Variants in DYRK1A observed in about 807,000 individuals in gnomAD.
DYRK1A encodes the protein dual specificity tyrosine-phosphorylation-regulated kinase 1A.
Under a neutral mutation model 79.7 loss-of-function variants are expected in DYRK1A, and 9 were observed. That is an observed-to-expected ratio of 0.11 (90% CI 0.07 to 0.20). DYRK1A has a LOEUF of 0.20. Among genes scored for constraint, DYRK1A ranks in the 10% least tolerant of loss-of-function variants. The pLI is 1.00. For synonymous variants in DYRK1A, 349 were observed against 329.7 expected, an observed-to-expected ratio of 1.06 and a Z score of -0.63; for missense variants, 622 against 956.0, an observed-to-expected ratio of 0.65 and a Z score of 4.61.
In DYRK1A at chr21:37,376,311, C is replaced by T. The variant is rs2049539510; in HGVS notation, c.-77+8683C>T. Among the ~76,000 whole-genome samples the T allele has an allele frequency of 2.0e-5, 3 of 152,054 alleles. No individual in the cohort carries two copies. In the South Asian group the frequency reaches 6.2e-4, roughly 32 times the overall value. On this transcript the variant is annotated intron_variant, in intron 1 of 11. Coordinates refer to ENST00000647188, the MANE Select transcript of DYRK1A (RefSeq NM_001347721.2). Reference sequence around the variant, plus strand: ...GATCACGAGGTCAGGAGTTCGAGACCAGCCTGGCTAAAATGGTGAAACCCC... The same window carrying T: ...GATCACGAGGTCAGGAGTTCGAGACTAGCCTGGCTAAAATGGTGAAACCCC...
chr21:37,386,895 A>G (rs1214629160), intron 1 of DYRK1A, among the ~76,000 whole-genome samples: 2 of 152,218 alleles, frequency 1.3e-5, no homozygotes, highest in Non-Finnish European at 2.9e-5. Context: ...GTAGCTGGAT[A>G]AGAATGTGGT....
At position 37,506,126 on chromosome 21, in the gene DYRK1A, G is replaced by A; in HGVS notation, c.1547G>A (p.Gly516Glu). ...SGGSSGTSNS[G>E]RARSDPTHQH... ...GGCTCATCGGGGACAAGCAACAGTG[G>A]GAGAGCCCGGTCGGATCCGACGCAC... Residue 516 changes from glycine (G) to glutamate (E), a missense_variant, in exon 11 of 12, where the codon GGG (glycine) becomes GAG (glutamate). By Grantham distance (98) the Gly-to-Glu change is moderately conservative. Around this residue, in one of 5 missense-constraint regions of DYRK1A, gnomAD observed 292 missense variants for 316.7 expected, o/e 0.92. Coordinates refer to ENST00000647188, the MANE Select transcript of DYRK1A (RefSeq NM_001347721.2). 1 of 1,613,370 alleles carries A rather than the reference G, an allele frequency of 6.2e-7. No homozygotes were observed. The highest frequency in any genetic ancestry group is 8.5e-7 in the Non-Finnish European group (1 of 1,179,396).
intron 11 of DYRK1A, among the ~76,000 whole-genome samples, chr21:37,509,742 G>A (rs2053698973): frequency 6.6e-6 from 1 of 152,186 alleles, no homozygotes; most frequent in South Asian, 2.1e-4. Flanking sequence ...ATTTATTAAT[G>A]GACATTTAGT....
In DYRK1A at chr21:37,512,388, C is replaced by T. The variant is rs770942592; in HGVS notation, c.2122C>T (p.His708Tyr). 2 of 1,614,230 alleles carry T rather than the reference C, an allele frequency of 1.2e-6. No individual in the cohort carries two copies. Among genetic ancestry groups the T allele is most frequent in the South Asian group, 1.1e-5 (1 of 91,090 alleles). Reference sequence around the variant, plus strand: ...CCGCCAAGAGACTGGCATAGCTGGACATCCAACATACCAATTTTCTGCTAA... The same window carrying T: ...CCGCCAAGAGACTGGCATAGCTGGATATCCAACATACCAATTTTCTGCTAA... Reference protein sequence around the residue: ...NPRQETGIAGHPTYQFSANTG... With the variant: ...NPRQETGIAGYPTYQFSANTG... The change falls in exon 12 of 12, where the codon CAT (histidine) becomes TAT (tyrosine). Residue 708 changes from histidine (H) to tyrosine (Y), a missense_variant. His to Tyr is a moderately conservative substitution (Grantham distance 83, BLOSUM62 2). Coordinates refer to ENST00000647188, the MANE Select transcript of DYRK1A (RefSeq NM_001347721.2).
chr21:37,447,036 G>A (rs943535753), intron 2 of DYRK1A, among the ~76,000 whole-genome samples: 2 of 152,120 alleles, frequency 1.3e-5, no homozygotes, highest in Non-Finnish European at 1.5e-5. Context: ...GGAAGAGAGG[G>A]CACTTAACAT....
intron 2 of DYRK1A, among the ~76,000 whole-genome samples, chr21:37,447,380 A>G (rs1048279703): frequency 9.2e-5 from 14 of 152,314 alleles, no homozygotes; most frequent in Middle Eastern, 3.4e-3. Context: ...GTGAACATAC[A>G]TTAAAAAAAC....
chr21:37,388,678 T>C (rs1384019743), intron 1 of DYRK1A, among the ~76,000 whole-genome samples: 1 of 151,206 alleles, frequency 6.6e-6, no homozygotes, highest in Non-Finnish European at 1.5e-5. Context: ...GGAGTCTCGC[T>C]CTGTCGCCCA....
chr21:37,454,698 T>C (rs781425849), intron 2 of DYRK1A, among the ~76,000 whole-genome samples: 1 of 152,228 alleles, frequency 6.6e-6, no homozygotes, highest in Admixed American at 6.5e-5. Flanking sequence ...TTACTTGAGA[T>C]AAAATATCCA....
At chr21:37,389,186 T>C (rs2049822167) in intron 1 of DYRK1A, among the ~76,000 whole-genome samples, 2 of 151,378 alleles carry the variant, frequency 1.3e-5, no homozygotes, top group Admixed American at 6.6e-5. Context: ...GCCTTACTTT[T>C]CTCTCTCTCT....
intron 1 of DYRK1A, among the ~76,000 whole-genome samples, chr21:37,403,634 TAAAAA>T (rs11349987): frequency 0.063 from 7,569 of 119,566 alleles, 301 homozygotes; most frequent in Non-Finnish European, 0.077. Flanking sequence ...CTCAGCTAAT[TAAAAA>T]AAAAAAAAAA....
At chr21:37,401,748 A>T (rs1474756515) in intron 1 of DYRK1A, among the ~76,000 whole-genome samples, 2 of 151,982 alleles carry the variant, frequency 1.3e-5, no homozygotes, top group Admixed American at 1.3e-4. Flanking sequence ...CTCCCAAAGC[A>T]CTGGGATTAC....
At chr21:37,439,493 G>A (rs2051025539) in intron 2 of DYRK1A, among the ~76,000 whole-genome samples, 1 of 152,140 alleles carries the variant, frequency 6.6e-6, no homozygotes, top group East Asian at 1.9e-4. Context: ...AGGCCTGTTA[G>A]GAACTGGGCC....
chr21:37,396,635 A>G (rs779118584), intron 1 of DYRK1A, among the ~76,000 whole-genome samples: 5 of 152,226 alleles, frequency 3.3e-5, no homozygotes, highest in South Asian at 4.1e-4. Flanking sequence ...GGCATCAACT[A>G]TTCTTACTAC....
chr21:37,484,791 A>G (rs1188751411), intron 5 of DYRK1A, among the ~76,000 whole-genome samples: 1 of 152,144 alleles, frequency 6.6e-6, no homozygotes, highest in African/African-American at 2.4e-5. Flanking sequence ...GATTCCACAG[A>G]ACAAGTGAGC....
At chr21:37,414,579 C>T (rs947047993) in intron 1 of DYRK1A, among the ~76,000 whole-genome samples, 2 of 152,060 alleles carry the variant, frequency 1.3e-5, no homozygotes, top group Non-Finnish European at 1.5e-5. Context: ...GGAACAAGCC[C>T]GCCTTATAAA....
Position 37,490,293 on chromosome 21 carries a change from A to G in DYRK1A, c.756A>G (p.Leu252=), listed in dbSNP as rs1263628813. 6.2e-7 allele frequency: 1 copy of G among 1,613,816 alleles called. No individual in the cohort carries two copies. Residue 252 remains leucine, a synonymous_variant, in exon 7 of 12, where the codon CTA becomes CTG. Coordinates refer to ENST00000647188, the MANE Select transcript of DYRK1A (RefSeq NM_001347721.2). ...NTNFRGVSLN[L]TRKFAQQMCT... is the part of the protein sequence containing the mutation. ...ATTTCCGAGGGGTCTCTTTGAACCTAACACGAAAGTTTGCGCAACAGATGT... is the reference window on the plus strand; with the variant it reads ...ATTTCCGAGGGGTCTCTTTGAACCTGACACGAAAGTTTGCGCAACAGATGT...
At chr21:37,497,928 A>T (rs2053321895) in intron 9 of DYRK1A, among the ~76,000 whole-genome samples, 1 of 152,184 alleles carries the variant, frequency 6.6e-6, no homozygotes, top group South Asian at 2.1e-4. Flanking sequence ...CTTAATTTTT[A>T]AAAATATGAA....
chr21:37,473,989 A>C (rs1231314736), intron 3 of DYRK1A, among the ~76,000 whole-genome samples: 3 of 152,220 alleles, frequency 2.0e-5, no homozygotes, highest in African/African-American at 7.2e-5. Context: ...TTGCACTTTG[A>C]GGAAACCAAG....
At position 37,490,336 on chromosome 21, in the gene DYRK1A, C is replaced by T. The variant is rs1177677807; in HGVS notation, c.799C>T (p.Leu267Phe). Residue 267 changes from leucine (L) to phenylalanine (F), a missense_variant, in exon 7 of 12, where the codon CTT becomes TTT. This residue lies in a region of DYRK1A where 138 missense variants were observed against 346.4 expected (regional missense o/e 0.40). Coordinates refer to ENST00000647188, the MANE Select transcript of DYRK1A (RefSeq NM_001347721.2). ...ACAGATGTGCACTGCACTGCTTTTC[C>T]TTGCGACTCCAGAACTTAGTATCAT... Reference protein sequence around the residue: ...AQQMCTALLFLATPELSIIHC... With the variant: ...AQQMCTALLFFATPELSIIHC... 6.2e-7 allele frequency: 1 copy of T among 1,613,614 alleles called. No individual in the cohort carries two copies.
Sources: gnomAD v4.1 joint callset for allele counts (sites outside exome capture counted in the v4.1 genomes callset) on GRCh38, gnomAD v4.1.1 for gene constraint, gnomAD v4.1.1 regional missense constraint, MANE v1.5 for transcripts, NCBI Gene and HGNC (gene_info 2026-07-23, HGNC 2026-07-21) for gene names.